CSRNP3: variants seen among roughly 807,000 people sequenced by gnomAD.
The protein encoded by CSRNP3 is cysteine/serine-rich nuclear protein 3.
In CSRNP3, 12 loss-of-function variants were observed where a neutral mutation model predicts 48.0. The observed-to-expected ratio is 0.25, with a 90% CI of 0.16 to 0.41. CSRNP3 has a LOEUF of 0.41. Among genes scored for constraint, CSRNP3 ranks in the 10% least tolerant of loss-of-function variants. CSRNP3 has a pLI of 1.00. For missense variants in CSRNP3, 580 were observed against 724.4 expected (o/e 0.80, Z 2.29); for synonymous variants, 263 against 269.7 (o/e 0.98, Z 0.24).
chr2:165,481,276 T>C (rs148705962), intron 1 of CSRNP3, among the ~76,000 whole-genome samples: 25 of 152,330 alleles, frequency 1.6e-4, no homozygotes, highest in Non-Finnish European at 3.2e-4. Flanking sequence ...CTTCCTGTAG[T>C]GTGAGGTAGA....
chr2:165,549,608 C>A (rs984563093), intron 3 of CSRNP3, among the ~76,000 whole-genome samples: 7 of 152,122 alleles, frequency 4.6e-5, no homozygotes, highest in Non-Finnish European at 7.4e-5. Flanking sequence ...TCATTTAAAT[C>A]TTCACAAAAT....
intron 4 of CSRNP3, among the ~76,000 whole-genome samples, chr2:165,599,257 G>T (rs1318883129): frequency 1.9e-5 from 2 of 107,948 alleles, no homozygotes; most frequent in African/African-American, 7.4e-5. Flanking sequence ...CAAAAAGAAA[G>T]AAAGAAAAAG....
intron 3 of CSRNP3, among the ~76,000 whole-genome samples, chr2:165,548,720 AC>A (rs1476320523): frequency 6.6e-6 from 1 of 152,034 alleles, no homozygotes; most frequent in Non-Finnish European, 1.5e-5. Context: ...AAGAGCAAGT[AC>A]CTAAAATCTA....
At chr2:165,666,477 G>A (rs1687206988) in intron 5 of CSRNP3, among the ~76,000 whole-genome samples, 1 of 44,226 alleles carries the variant, frequency 2.3e-5, no homozygotes, top group East Asian at 7.2e-4. Context: ...AAGAAAGAAA[G>A]ACAGAGAGGA....
At position 165,679,456 on chromosome 2, in the gene CSRNP3, C is replaced by T; in HGVS notation, c.1461C>T (p.Ala487=). 6.2e-7 allele frequency: 1 copy of T among 1,613,260 alleles called. No individual in the cohort carries two copies. The highest frequency in any genetic ancestry group is 8.5e-7 in the Non-Finnish European group (1 of 1,179,876). The change falls in exon 7 of 7, where the codon GCC becomes GCT. Residue 487 remains alanine, a synonymous_variant. Transcript: ENST00000651982. ...ACTATGCCCGACAAGCAGAAGAGGC[C>T]TATGGTGCCTCCCACTACCCAGCTG... ...FVDYARQAEE[A]YGASHYPAAN... is the part of the protein sequence containing the mutation.
At chr2:165,586,277 A>G (rs866001251) in intron 3 of CSRNP3, among the ~76,000 whole-genome samples, 19 of 152,080 alleles carry the variant, frequency 1.2e-4, no homozygotes, top group African/African-American at 4.3e-4. Context: ...ATGACTTTAC[A>G]TGTTTTATTT....
intron 3 of CSRNP3, among the ~76,000 whole-genome samples, chr2:165,525,150 G>T (rs1684716138): frequency 6.6e-6 from 1 of 151,970 alleles, no homozygotes; most frequent in Non-Finnish European, 1.5e-5. Context: ...GTTTTAATTT[G>T]CATATTCTTA....
At chr2:165,603,014 G>T (rs571290996) in intron 4 of CSRNP3, among the ~76,000 whole-genome samples, 1 of 152,166 alleles carries the variant, frequency 6.6e-6, no homozygotes, top group East Asian at 1.9e-4. Context: ...TCCTGCCTCA[G>T]CCTCATGAGT....
At position 165,494,855 on chromosome 2, in the gene CSRNP3, A is replaced by G; in HGVS notation, c.-186A>G. 5.4e-6 allele frequency: 1 copy of G among 184,016 alleles called. No individual in the cohort carries two copies. 11.4% of individuals were successfully genotyped at this position (184,016 alleles called of 1,614,324 possible). On this transcript the variant is annotated 5_prime_UTR_variant, in exon 2 of 7. It removes an upstream start codon present in the reference 5' UTR. Transcript: ENST00000651982. ...CCCTGCTCTTCAGTGCAGGAATCAG[A>G]TGATGAAGTTTTCAGCTGTGACAGT...
chr2:165,558,750 G>A (rs866211458), intron 3 of CSRNP3, among the ~76,000 whole-genome samples: 6 of 152,072 alleles, frequency 3.9e-5, no homozygotes, highest in Non-Finnish European at 7.4e-5. Context: ...ATGATTTTAC[G>A]TATTACTCAA....
intron 3 of CSRNP3, chr2:165,566,819 A>G (rs1049283616): frequency 6.6e-6 from 1 of 151,958 alleles, no homozygotes; most frequent in Non-Finnish European, 1.5e-5. Context: ...TCCCTAACGT[A>G]TCAGAACAAT....
At chr2:165,589,776 A>G (rs1685687982) in intron 3 of CSRNP3, among the ~76,000 whole-genome samples, 1 of 152,232 alleles carries the variant, frequency 6.6e-6, no homozygotes, top group Admixed American at 6.5e-5. Context: ...AAAGGAAAAG[A>G]AGAGTACCAA....
Position 165,532,024 on chromosome 2 carries a change from C to A in CSRNP3, c.-24+14063C>A, listed in dbSNP as rs1684819419. Among the ~76,000 whole-genome samples, 6 of 152,268 alleles carry A rather than the reference C, an allele frequency of 3.9e-5. No individual in the cohort carries two copies. In the South Asian group the frequency reaches 1.2e-3, roughly 32 times the overall value. On this transcript the variant is annotated intron_variant, in intron 3 of 6. Coordinates refer to ENST00000651982, the MANE Select transcript of CSRNP3 (RefSeq NM_001172173.2). ...ACGAAACCAGGAAGAAGTTGAATCT[C>A]TGAATAGACCAATAACAGGCTCTGA...
At chr2:165,506,839 G>C (rs1240397954) in intron 2 of CSRNP3, among the ~76,000 whole-genome samples, 2 of 152,128 alleles carry the variant, frequency 1.3e-5, no homozygotes, top group Non-Finnish European at 2.9e-5. Context: ...ATTGTCACCA[G>C]TGGATGAGGT....
intron 3 of CSRNP3, among the ~76,000 whole-genome samples, chr2:165,524,890 T>C (rs915287801): frequency 6.6e-6 from 1 of 152,230 alleles, no homozygotes; most frequent in Admixed American, 6.5e-5. Flanking sequence ...ATGCTATAAA[T>C]ATCCACGTAG....
At chr2:165,523,443 C>T (rs1684690082) in intron 3 of CSRNP3, among the ~76,000 whole-genome samples, 1 of 152,116 alleles carries the variant, frequency 6.6e-6, no homozygotes, top group South Asian at 2.1e-4. Context: ...CAGTAGTCTA[C>T]ATTCATTATC....
At chr2:165,606,207 G>C (rs1330481968) in intron 4 of CSRNP3, among the ~76,000 whole-genome samples, 3 of 150,956 alleles carry the variant, frequency 2.0e-5, no homozygotes, top group Admixed American at 2.0e-4. Flanking sequence ...TTATGTATTT[G>C]GGTACATTAA....
intron 5 of CSRNP3, among the ~76,000 whole-genome samples, chr2:165,663,149 G>A (rs570048287): frequency 2.0e-5 from 3 of 152,224 alleles, no homozygotes; most frequent in African/African-American, 7.2e-5. Context: ...TTCCAGATAA[G>A]GGCCTTAAAT....
chr2:165,574,887 A>T (rs1175531897), intron 3 of CSRNP3, among the ~76,000 whole-genome samples: 1 of 152,184 alleles, frequency 6.6e-6, no homozygotes, highest in Non-Finnish European at 1.5e-5. Flanking sequence ...CAATTTTAAT[A>T]AGTATATTTT....
Sources: allele counts gnomAD v4.1 joint callset (sites outside exome capture counted in the v4.1 genomes callset), GRCh38; gene constraint gnomAD v4.1.1; transcripts MANE v1.5; gene names NCBI Gene and HGNC (gene_info 2026-07-23, HGNC 2026-07-21).